PROS1: variants seen among roughly 807,000 people sequenced by gnomAD.
PROS1 encodes the protein protein S, also known as vitamin K-dependent protein S.
A neutral mutation model predicts 75.9 loss-of-function variants in PROS1; 29 were observed. The observed-to-expected ratio is 0.38, with a 90% confidence interval of 0.28 to 0.52. PROS1 has a LOEUF of 0.52. Ranked by LOEUF, PROS1 falls within the 20% of genes least tolerant of loss-of-function variation. PROS1 has a pLI of 0.83. For missense variants in PROS1, 680 were observed against 810.3 expected, an observed-to-expected ratio of 0.84 and a Z score of 1.95; for synonymous variants, 245 against 280.6, an observed-to-expected ratio of 0.87 and a Z score of 1.27.
At chr3:93,879,684 T>C (rs1449634134) in intron 12 of PROS1, among the ~76,000 whole-genome samples, 3 of 152,168 alleles carry the variant, frequency 2.0e-5, no homozygotes, top group South Asian at 2.1e-4. Flanking sequence ...ATTCAACAAA[T>C]TTACTGTAAT....
At chr3:93,935,473 G>A (rs1411746082) in intron 1 of PROS1, among the ~76,000 whole-genome samples, 2 of 152,012 alleles carry the variant, frequency 1.3e-5, no homozygotes, top group Non-Finnish European at 2.9e-5. Flanking sequence ...TCTGTGGCCT[G>A]GGTCTGTACT....
intron 1 of PROS1, among the ~76,000 whole-genome samples, chr3:93,945,164 A>G (rs1257799921): frequency 1.3e-5 from 2 of 152,208 alleles, no homozygotes; most frequent in Non-Finnish European, 2.9e-5. Context: ...ACAATAGTTA[A>G]GAGCCTACCA....
At chr3:93,879,401 T>C in intron 12 of PROS1, 87 bp from the exon 13 acceptor site, 2 of 1,481,484 alleles carry the variant, frequency 1.3e-6, no homozygotes, top group Non-Finnish European at 1.9e-6. Flanking sequence ...CCAGGTAATA[T>C]TCAAAACTAT....
intron 1 of PROS1, among the ~76,000 whole-genome samples, chr3:93,970,801 T>C (rs1709868433): frequency 2.0e-5 from 3 of 152,228 alleles, no homozygotes; most frequent in East Asian, 3.9e-4. Flanking sequence ...TAATAACTCT[T>C]TCTAAAATAA....
At chr3:93,924,325 CTT>C in intron 2 of PROS1, 61 bp from the exon 3 acceptor site, 5 of 1,013,484 alleles carry the variant, frequency 4.9e-6, no homozygotes, top group Middle Eastern at 2.7e-4. Flanking sequence ...AGAGTTAAAA[CTT>C]AATTTTATAA....
chr3:93,906,365 T>C (rs192532329), intron 4 of PROS1, among the ~76,000 whole-genome samples: 1 of 152,378 alleles, frequency 6.6e-6, no homozygotes, highest in African/African-American at 2.4e-5. Flanking sequence ...GTGGCCCATG[T>C]AGAGTGGCCG....
chr3:93,915,302 C>T (rs1708827873), intron 3 of PROS1, among the ~76,000 whole-genome samples: 1 of 151,968 alleles, frequency 6.6e-6, no homozygotes, highest in Non-Finnish European at 1.5e-5. Context: ...GCTGTCTCTA[C>T]TAAAAATACA....
At chr3:93,959,718 C>G in intron 1 of PROS1, among the ~76,000 whole-genome samples, 1 of 152,182 alleles carries the variant, frequency 6.6e-6, no homozygotes, top group East Asian at 1.9e-4. Flanking sequence ...TGATGTTCCA[C>G]GGACCATACT....
intron 1 of PROS1, among the ~76,000 whole-genome samples, chr3:93,969,672 C>CCTTCTGTAGGCCTGG (rs1213774006): frequency 2.6e-5 from 4 of 152,170 alleles, no homozygotes; most frequent in Non-Finnish European, 5.9e-5. Flanking sequence ...TGTTCGCATT[C>CCTTCTGTAGGCCTGG]CTTCTGTAGG....
intron 1 of PROS1, among the ~76,000 whole-genome samples, chr3:93,935,358 ACAT>A (rs1343202373): frequency 6.6e-6 from 1 of 152,144 alleles, no homozygotes; most frequent in Non-Finnish European, 1.5e-5. Context: ...GGACCCCAAA[ACAT>A]CATTTGATTT....
At chr3:93,916,238 A>C (rs1201290058) in intron 3 of PROS1, among the ~76,000 whole-genome samples, 2 of 152,164 alleles carry the variant, frequency 1.3e-5, no homozygotes. Context: ...TTCTTCTTGA[A>C]TCATCTACTT....
At chr3:93,893,171 C>T (rs772248362) in intron 9 of PROS1, 49 bp from the exon 10 acceptor site, 1 of 1,484,118 alleles carries the variant, frequency 6.7e-7, no homozygotes, top group South Asian at 1.2e-5. Flanking sequence ...ATACAGAAAG[C>T]TCAATGCATT....
chr3:93,902,120 T>C (rs1205096024), intron 6 of PROS1, among the ~76,000 whole-genome samples: 1 of 151,772 alleles, frequency 6.6e-6, no homozygotes, highest in South Asian at 2.1e-4. Context: ...GAACCCCACT[T>C]CTACATATTA....
chr3:93,880,855 C>T (rs762815763), intron 12 of PROS1, among the ~76,000 whole-genome samples: 7 of 152,036 alleles, frequency 4.6e-5, no homozygotes, highest in Non-Finnish European at 8.8e-5. Flanking sequence ...ATTTTCATTA[C>T]CTTTTCAGGA....
chr3:93,941,889 G>A (rs145040055), intron 1 of PROS1, among the ~76,000 whole-genome samples: 1,734 of 152,136 alleles, frequency 0.011, 26 homozygotes, highest in Admixed American at 0.023. Context: ...CACCTGGTGC[G>A]TATGCTTTCT....
chr3:93,895,114 A>C (rs1312057492), intron 9 of PROS1, among the ~76,000 whole-genome samples: 3 of 152,174 alleles, frequency 2.0e-5, no homozygotes, highest in African/African-American at 7.2e-5. Context: ...CATTATGTAT[A>C]ATACTCAATA....
intron 11 of PROS1, among the ~76,000 whole-genome samples, chr3:93,885,836 G>A (rs1374091307): frequency 1.3e-5 from 2 of 152,286 alleles, no homozygotes; most frequent in African/African-American, 4.8e-5. Context: ...GAGAATGAAA[G>A]ACGGATGTAA....
chr3:93,910,520 T>A, intron 4 of PROS1, 99 bp downstream of exon 4: 1 of 961,754 alleles, frequency 1.0e-6, no homozygotes, highest in East Asian at 2.6e-5. Context: ...CATCAAAGGA[T>A]CATTTCTCAA....
rs773204468 is a variant in PROS1, at chr3:93,973,741, G to C, written c.9C>G (p.Val3=). Residue 3 remains valine, a synonymous_variant, in exon 1 of 15, where the codon GTC becomes GTG. Transcript: ENST00000394236. ...GCAGCGCCCCGCAGCGCCCACCCAG[G>C]ACCCTCATTTCGAAGCGCGCGGAGG... The part of the protein sequence containing the change: MR[V]LGGRCGALLA... The C allele has an allele frequency of 5.0e-6, 8 of 1,613,088 alleles. No individual in the cohort carries two copies. In the African/African-American group the frequency reaches 1.1e-4, roughly 22 times the overall value.
Sources: gnomAD v4.1 joint callset for allele counts (sites outside exome capture counted in the v4.1 genomes callset) on GRCh38, gnomAD v4.1.1 for gene constraint, MANE v1.5 for transcripts, NCBI Gene and HGNC (gene_info 2026-07-23, HGNC 2026-07-21) for gene names.